The following NRG1 variants were observed in gnomAD, a reference collection of about 807,000 sequenced individuals.
NRG1 encodes the protein pro-neuregulin-1, membrane-bound isoform.
Under a neutral mutation model 63.8 loss-of-function variants are expected in NRG1, and 18 were observed. That is an observed-to-expected ratio of 0.28 (90% CI 0.19 to 0.42). NRG1 has a LOEUF of 0.42. NRG1 is among the 10% of genes least tolerant of loss of function. The probability of loss-of-function intolerance (pLI) is 1.00; values close to 1 mark genes in which losing one functional copy is unlikely to be tolerated. For synonymous variants in NRG1, 302 were observed against 301.3 expected (o/e 1.00, Z -0.02); for missense variants, 762 against 814.7 (o/e 0.94, Z 0.79).
chr8:32,282,891 G>A (rs2171345), intron 1 of NRG1, among the ~76,000 whole-genome samples: 1 of 151,996 alleles, frequency 6.6e-6, no homozygotes, highest in African/African-American at 2.4e-5. Flanking sequence ...GAAAATAGAA[G>A]ACAGGTTAAA....
chr8:32,211,635 G>A (rs968373083), intron 1 of NRG1, among the ~76,000 whole-genome samples: 9 of 152,126 alleles, frequency 5.9e-5, no homozygotes, highest in African/African-American at 2.2e-4. Context: ...ATGCATTTCT[G>A]TGATTACCAG....
At chr8:31,641,263 G>T (rs1363991207) in intron 1 of NRG1, among the ~76,000 whole-genome samples, 1 of 152,142 alleles carries the variant, frequency 6.6e-6, no homozygotes, top group Non-Finnish European at 1.5e-5. Context: ...TCAATGTCCA[G>T]CAGAGAGGTG....
chr8:31,740,768 G>A (rs1324771154), intron 1 of NRG1, among the ~76,000 whole-genome samples: 1 of 152,010 alleles, frequency 6.6e-6, no homozygotes, highest in Admixed American at 6.6e-5. Context: ...GGGCAGAGGT[G>A]TGGTAAGCAA....
At chr8:32,395,083 T>A (rs1265429606) in intron 1 of NRG1, among the ~76,000 whole-genome samples, 1 of 152,172 alleles carries the variant, frequency 6.6e-6, no homozygotes, top group African/African-American at 2.4e-5. Flanking sequence ...CTCAATTCCA[T>A]ATGTAATACT....
At chr8:31,753,526 T>C (rs1684598599) in intron 1 of NRG1, among the ~76,000 whole-genome samples, 1 of 152,108 alleles carries the variant, frequency 6.6e-6, no homozygotes, top group African/African-American at 2.4e-5. Flanking sequence ...AAGTAAACAG[T>C]AGTCAATTAA....
At chr8:31,947,306 CAAA>C (rs61713691) in intron 1 of NRG1, among the ~76,000 whole-genome samples, 4 of 132,674 alleles carry the variant, frequency 3.0e-5, no homozygotes, top group African/African-American at 1.3e-4. Context: ...GACTCCGTCT[CAAA>C]AAAAAAAAAA....
intron 1 of NRG1, among the ~76,000 whole-genome samples, chr8:31,652,466 C>G (rs1328786536): frequency 6.6e-6 from 1 of 152,234 alleles, no homozygotes; most frequent in African/African-American, 2.4e-5. Flanking sequence ...CTTTGAATGG[C>G]ATGTGAGGGC....
chr8:32,435,552 C>G (rs535088168), intron 1 of NRG1, among the ~76,000 whole-genome samples: 1 of 152,216 alleles, frequency 6.6e-6, no homozygotes, highest in South Asian at 2.1e-4. Context: ...TACTGGAGCA[C>G]TAGTGAGCTA....
At chr8:32,648,315 G>T in intron 5 of NRG1, 1 of 1,614,036 alleles carries the variant, frequency 6.2e-7, no homozygotes, top group Non-Finnish European at 8.5e-7. Flanking sequence ...GAACCCTGAG[G>T]TGAGAACGCC....
intron 1 of NRG1, among the ~76,000 whole-genome samples, chr8:31,865,478 A>G (rs1000927979): frequency 6.6e-6 from 1 of 152,088 alleles, no homozygotes; most frequent in African/African-American, 2.4e-5. Context: ...CTCATCTTGA[A>G]TTGTACTTCC....
intron 1 of NRG1, among the ~76,000 whole-genome samples, chr8:31,934,990 C>T (rs963858987): frequency 3.9e-5 from 6 of 152,098 alleles, no homozygotes; most frequent in Admixed American, 3.9e-4. Flanking sequence ...TCTGTCACCC[C>T]ACCCAGGCTG....
intron 1 of NRG1, among the ~76,000 whole-genome samples, chr8:32,277,257 A>G (rs1029810672): frequency 2.6e-5 from 4 of 152,208 alleles, no homozygotes; most frequent in Non-Finnish European, 5.9e-5. Context: ...TTCATTTAAT[A>G]TTTTTAAACA....
chr8:32,423,957 C>T (rs1343331960), intron 1 of NRG1, among the ~76,000 whole-genome samples: 2 of 152,064 alleles, frequency 1.3e-5, no homozygotes, highest in African/African-American at 2.4e-5. Context: ...TTATTTTGAG[C>T]CGATATTTGG....
chr8:32,366,673 G>GTATA (rs1270263657), intron 1 of NRG1, among the ~76,000 whole-genome samples: 89 of 42,882 alleles, frequency 2.1e-3, no homozygotes, highest in African/African-American at 4.6e-3. Flanking sequence ...GTGTGTGTGT[G>GTATA]TGTGTATATA....
intron 1 of NRG1, among the ~76,000 whole-genome samples, chr8:32,267,441 C>T (rs1031830511): frequency 6.6e-6 from 1 of 152,162 alleles, no homozygotes; most frequent in Non-Finnish European, 1.5e-5. Context: ...AAAATGAGCT[C>T]TCTCATTTGC....
intron 1 of NRG1, chr8:32,442,349 A>G: frequency 6.6e-6 from 1 of 152,224 alleles, no homozygotes; most frequent in African/African-American, 2.4e-5. Flanking sequence ...AGTCAGGCCC[A>G]TTCTTCTTCT....
chr8:32,181,412 T>G (rs1841418056), intron 1 of NRG1, among the ~76,000 whole-genome samples: 1 of 152,242 alleles, frequency 6.6e-6, no homozygotes, highest in Non-Finnish European at 1.5e-5. Context: ...TTTGTAAATA[T>G]CTCTATACTT....
At chr8:32,488,702 G>A (rs1308159402) in intron 1 of NRG1, among the ~76,000 whole-genome samples, 2 of 152,174 alleles carry the variant, frequency 1.3e-5, no homozygotes, top group Non-Finnish European at 2.9e-5. Context: ...ATTGTTCAGT[G>A]ATGCTCTCTT....
chr8:31,975,251 A>C (rs1006208566), intron 1 of NRG1, among the ~76,000 whole-genome samples: 1 of 152,182 alleles, frequency 6.6e-6, no homozygotes, highest in African/African-American at 2.4e-5. Context: ...ACAATGACAG[A>C]ACTACAAGAG....
Sources: allele counts gnomAD v4.1 joint callset (sites outside exome capture counted in the v4.1 genomes callset), GRCh38; gene constraint gnomAD v4.1.1; transcripts MANE v1.5; gene names NCBI Gene and HGNC (gene_info 2026-07-23, HGNC 2026-07-21).